SPOCK1: variants seen among roughly 807,000 people sequenced by gnomAD.
SPOCK1 encodes the protein SPARC (osteonectin), cwcv and kazal like domains proteoglycan 1.
Under a neutral mutation model 55.3 loss-of-function variants are expected in SPOCK1, and 23 were observed. The ratio of observed to expected loss-of-function variants is 0.42; its 90% CI spans 0.30 to 0.59. The LOEUF is 0.59. Ranked by LOEUF, SPOCK1 falls within the 20% of genes least tolerant of loss-of-function variation. SPOCK1 has a pLI of 0.22. For missense variants in SPOCK1, 499 were observed against 552.5 expected, an observed-to-expected ratio of 0.90 and a Z score of 0.97; for synonymous variants, 226 against 221.0, an observed-to-expected ratio of 1.02 and a Z score of -0.20.
intron 2 of SPOCK1, among the ~76,000 whole-genome samples, chr5:137,481,925 G>T (rs1431541201): frequency 6.6e-6 from 1 of 151,936 alleles, no homozygotes; most frequent in Non-Finnish European, 1.5e-5. Context: ...TTGCTCAGGA[G>T]TTACATTGGC....
chr5:137,331,629 A>G, intron 2 of SPOCK1, among the ~76,000 whole-genome samples: 1 of 152,128 alleles, frequency 6.6e-6, no homozygotes, highest in Admixed American at 6.5e-5. Flanking sequence ...GGCATGTCAC[A>G]TGGTGAGAGG....
intron 3 of SPOCK1, among the ~76,000 whole-genome samples, chr5:137,179,603 C>T (rs1350792254): frequency 6.6e-6 from 1 of 152,130 alleles, no homozygotes. Flanking sequence ...CCGGTAGCAG[C>T]CTCAATACTG....
At chr5:137,302,611 TA>T (rs1561498254) in intron 2 of SPOCK1, among the ~76,000 whole-genome samples, 1 of 150,964 alleles carries the variant, frequency 6.6e-6, no homozygotes, top group African/African-American at 2.4e-5. Flanking sequence ...AATAAATAAA[TA>T]AATAAATAAA....
chr5:137,113,017 AGCACAC>A (rs1262609989), intron 4 of SPOCK1, among the ~76,000 whole-genome samples: 1 of 152,168 alleles, frequency 6.6e-6, no homozygotes, highest in Admixed American at 6.5e-5. Context: ...TTTAGACAAA[AGCACAC>A]CTCTGAACAC....
At chr5:137,480,359 T>C (rs13173869) in intron 2 of SPOCK1, among the ~76,000 whole-genome samples, 9,848 of 149,386 alleles carry the variant, frequency 0.066, 461 homozygotes, top group African/African-American at 0.13. Context: ...TCACTTGTAT[T>C]ACTGAAATAA....
At position 137,322,201 on chromosome 5, in the gene SPOCK1, A is replaced by C. The variant is rs1757992017; in HGVS notation, c.187-55146T>G. On this transcript the variant is annotated intron_variant, in intron 2 of 10. Transcript: ENST00000394945. ...ACAAAAATTAGCCAGGCATGTTGGCACAAAACCTGTAGTCCCAGCTACTCA... is the reference window on the plus strand; with the variant it reads ...ACAAAAATTAGCCAGGCATGTTGGCCCAAAACCTGTAGTCCCAGCTACTCA... Among the ~76,000 whole-genome samples, 8 of 152,142 alleles carry C rather than the reference A, an allele frequency of 5.3e-5. No individual in the cohort carries two copies. In the Middle Eastern group the frequency reaches 0.017, roughly 326 times the overall value.
intron 3 of SPOCK1, among the ~76,000 whole-genome samples, chr5:137,200,074 A>T (rs559018632): frequency 9.2e-5 from 14 of 152,238 alleles, no homozygotes; most frequent in South Asian, 2.1e-4. Flanking sequence ...TGCTTCTTCC[A>T]TTTAGTCTGT....
chr5:137,398,655 A>G (rs1751907937), intron 2 of SPOCK1, among the ~76,000 whole-genome samples: 1 of 152,182 alleles, frequency 6.6e-6, no homozygotes, highest in African/African-American at 2.4e-5. Context: ...CAAATACTCA[A>G]CAAATCTAAT....
chr5:137,082,263 T>C (rs1752887793), intron 5 of SPOCK1, among the ~76,000 whole-genome samples: 2 of 152,180 alleles, frequency 1.3e-5, no homozygotes, highest in African/African-American at 4.8e-5. Flanking sequence ...ACATCTGATG[T>C]GGGAAGGCAA....
intron 3 of SPOCK1, among the ~76,000 whole-genome samples, chr5:137,161,229 A>T (rs1272513699): frequency 6.6e-6 from 1 of 151,538 alleles, no homozygotes; most frequent in Non-Finnish European, 1.5e-5. Flanking sequence ...CAACATCAGA[A>T]GTAGTTACAT....
Position 137,014,562 on chromosome 5 carries a change from A to G in SPOCK1, c.590-21962T>C, listed in dbSNP as rs1343929562. On this transcript the variant is annotated intron_variant, in intron 6 of 10. Coordinates refer to ENST00000394945, the MANE Select transcript of SPOCK1 (RefSeq NM_004598.4). ...CTTAGACATAATTTACAAGCTAGTT[A>G]AGCCTGCTATGCCCAGATTGTAAGT... Among the ~76,000 whole-genome samples, 3 of 152,166 alleles carry G rather than the reference A, an allele frequency of 2.0e-5. No homozygotes were observed. In the South Asian group the frequency reaches 6.2e-4, roughly 31 times the overall value.
At chr5:137,409,052 T>C (rs1252278135) in intron 2 of SPOCK1, among the ~76,000 whole-genome samples, 1 of 152,146 alleles carries the variant, frequency 6.6e-6, no homozygotes, top group Non-Finnish European at 1.5e-5. Flanking sequence ...ATCAGACTCC[T>C]GGGAAAGAAA....
chr5:137,373,168 A>G (rs1751237097), intron 2 of SPOCK1, among the ~76,000 whole-genome samples: 1 of 152,134 alleles, frequency 6.6e-6, no homozygotes, highest in Admixed American at 6.5e-5. Context: ...ATTGTAAATT[A>G]CCCAGTCTCA....
At chr5:137,083,900 C>T (rs2127015405) in intron 5 of SPOCK1, among the ~76,000 whole-genome samples, 1 of 152,114 alleles carries the variant, frequency 6.6e-6, no homozygotes, top group South Asian at 2.1e-4. Flanking sequence ...AAGACAATAT[C>T]ACCGAGAGGA....
At chr5:137,059,105 G>A in intron 6 of SPOCK1, among the ~76,000 whole-genome samples, 1 of 91,504 alleles carries the variant, frequency 1.1e-5, no homozygotes, top group South Asian at 3.3e-4. Context: ...GATCAATTAG[G>A]AAGCTATTAT....
intron 2 of SPOCK1, among the ~76,000 whole-genome samples, chr5:137,319,393 C>G (rs182627625): frequency 1.3e-5 from 2 of 152,326 alleles, no homozygotes; most frequent in East Asian, 3.9e-4. Context: ...TTTCTTTCAT[C>G]TAACACATTT....
rs112388877 is a variant in SPOCK1, at chr5:137,267,156, G to A, written c.187-101C>T. The A allele has an allele frequency of 1.2e-4, 107 of 910,604 alleles. 1 individual carries two copies. Among genetic ancestry groups the A allele is most frequent in the African/African-American group, 1.1e-3 (66 of 59,684 alleles). The allele number at this position is 910,604 out of a possible 1,614,324, so 56.4% of individuals were successfully genotyped here. A position where few individuals can be genotyped will look rare whatever the true frequency, so the allele number is the denominator to read the frequency against. ...CCTTTTCACCTCCCAAAACACAAAG[G>A]AAAACACTGAAAGCTTAGAAATTTT... On this transcript the variant is annotated intron_variant, in intron 2 of 10. Transcript: ENST00000394945.
chr5:137,381,923 T>C (rs1431180571), intron 2 of SPOCK1, among the ~76,000 whole-genome samples: 1 of 152,250 alleles, frequency 6.6e-6, no homozygotes, highest in East Asian at 1.9e-4. Context: ...TTCTACCACA[T>C]GACTGGGTTG....
chr5:137,337,856 G>C (rs917351169), intron 2 of SPOCK1, among the ~76,000 whole-genome samples: 1 of 152,186 alleles, frequency 6.6e-6, no homozygotes, highest in East Asian at 1.9e-4. Flanking sequence ...GTCCACAGGA[G>C]TGGGAGAGTG....
Sources: allele counts gnomAD v4.1 joint callset (sites outside exome capture counted in the v4.1 genomes callset), GRCh38; gene constraint gnomAD v4.1.1; transcripts MANE v1.5; gene names NCBI Gene and HGNC (gene_info 2026-07-23, HGNC 2026-07-21).